Variants in LMX1A observed in about 807,000 individuals in gnomAD.
LMX1A encodes the protein LIM homeobox transcription factor 1 alpha.
A neutral mutation model predicts 49.1 loss-of-function variants in LMX1A; 15 were observed. The ratio of observed to expected loss-of-function variants is 0.31; its 90% CI spans 0.20 to 0.47. The LOEUF (loss-of-function observed/expected upper bound fraction) is 0.47. LMX1A is among the 20% of genes least tolerant of loss of function. The pLI is 1.00. For synonymous variants in LMX1A, 167 were observed against 185.7 expected (o/e 0.90, Z 0.82); for missense variants, 372 against 475.8 (o/e 0.78, Z 2.03).
At chr1:165,314,484 C>T (rs916105680) in intron 3 of LMX1A, among the ~76,000 whole-genome samples, 6 of 152,112 alleles carry the variant, frequency 3.9e-5, no homozygotes, top group African/African-American at 1.4e-4. Context: ...TAGATCAGTC[C>T]CCTTTCTAGC....
At chr1:165,253,566 G>A (rs1653130373) in intron 3 of LMX1A, among the ~76,000 whole-genome samples, 1 of 152,192 alleles carries the variant, frequency 6.6e-6, no homozygotes, top group Non-Finnish European at 1.5e-5. Context: ...CACCTCTCAG[G>A]AAACAGCCTC....
In LMX1A at chr1:165,244,222, A is replaced by G. The variant is rs115039123; in HGVS notation, c.496+5186T>C. 3.3e-5 allele frequency among the ~76,000 whole-genome samples: 5 copies of G among 152,306 alleles called. No homozygotes were observed. In the South Asian group the frequency reaches 6.2e-4, roughly 19 times the overall value. On this transcript the variant is annotated intron_variant, in intron 4 of 8. Transcript: ENST00000342310. Reference sequence around the variant, plus strand: ...CACCCCTTCCCCCATACCTTGCCCTATGAATTTCTTCACCTGTCTGTTCAT... The same window carrying G: ...CACCCCTTCCCCCATACCTTGCCCTGTGAATTTCTTCACCTGTCTGTTCAT...
At chr1:165,239,883 C>T (rs982567247) in intron 4 of LMX1A, among the ~76,000 whole-genome samples, 2 of 152,210 alleles carry the variant, frequency 1.3e-5, no homozygotes, top group Non-Finnish European at 2.9e-5. Flanking sequence ...TTGTCTTATT[C>T]ACAGCACCTG....
intron 3 of LMX1A, among the ~76,000 whole-genome samples, chr1:165,289,693 T>C (rs1654405243): frequency 1.3e-5 from 2 of 152,226 alleles, no homozygotes; most frequent in African/African-American, 4.8e-5. Context: ...CTGAGTCTGG[T>C]TGGAGGATTG....
At chr1:165,315,900 C>G (rs1655205379) in intron 3 of LMX1A, among the ~76,000 whole-genome samples, 1 of 152,186 alleles carries the variant, frequency 6.6e-6, no homozygotes, top group Admixed American at 6.5e-5. Context: ...GATTTTAAAT[C>G]AGGGGTTCTG....
In LMX1A at chr1:165,287,148, CA is replaced by C. The variant is rs549360148; in HGVS notation, c.264-37509del. On this transcript the variant is annotated intron_variant, in intron 3 of 8. Coordinates refer to ENST00000342310, the MANE Select transcript of LMX1A (RefSeq NM_177398.4). ...TAATTATCTGCACTGCCTTCTACCC[CA>C]TTGGCTAGCCAGTTGCCCCAAGTAG... is the stretch of plus-strand genomic sequence containing the variant. Among the ~76,000 whole-genome samples the C allele has an allele frequency of 2.8e-4, 43 of 152,314 alleles. 1 individual carries two copies. In the South Asian group the frequency reaches 8.9e-3, roughly 32 times the overall value.
intron 3 of LMX1A, among the ~76,000 whole-genome samples, chr1:165,341,107 T>G (rs898350653): frequency 6.6e-6 from 1 of 152,208 alleles, no homozygotes; most frequent in African/African-American, 2.4e-5. Flanking sequence ...TATTTCATGC[T>G]TAGAAATCCC....
intron 3 of LMX1A, among the ~76,000 whole-genome samples, chr1:165,262,613 A>G (rs958475779): frequency 6.6e-6 from 1 of 152,194 alleles, no homozygotes; most frequent in Non-Finnish European, 1.5e-5. Context: ...TGAATGTCCT[A>G]CACTCCTATC....
In LMX1A at chr1:165,355,293, C is replaced by T. The variant is rs749852629; in HGVS notation, c.76+191G>A. 5.2e-4 allele frequency among the ~76,000 whole-genome samples: 79 copies of T among 151,984 alleles called. No individual in the cohort carries two copies. The highest frequency in any genetic ancestry group is 9.1e-4 in the Non-Finnish European group (62 of 68,016). On this transcript the variant is annotated intron_variant, in intron 2 of 8. Transcript: ENST00000342310. The surrounding 1 kb of genome is among the most constrained non-coding windows in gnomAD (Gnocchi z 4.7). ...GGTGCCCAGTGCGTGAGGCCTGGGG[C>T]GGCTTGTTGGATTTATTTGGGTAGG...
intron 3 of LMX1A, among the ~76,000 whole-genome samples, chr1:165,306,418 A>T (rs78220556): frequency 0.017 from 2,571 of 152,246 alleles, 44 homozygotes; most frequent in Non-Finnish European, 0.023. Flanking sequence ...TTGATCCAAA[A>T]AGAATGTGGA....
intron 3 of LMX1A, among the ~76,000 whole-genome samples, chr1:165,338,065 A>G (rs1032561972): frequency 4.6e-5 from 7 of 152,200 alleles, no homozygotes; most frequent in Admixed American, 3.3e-4. Context: ...ATACTATCCA[A>G]TCCTAAGAAC....
At chr1:165,267,800 G>A (rs910022975) in intron 3 of LMX1A, among the ~76,000 whole-genome samples, 1 of 152,162 alleles carries the variant, frequency 6.6e-6, no homozygotes, top group African/African-American at 2.4e-5. Flanking sequence ...ACTGAGCACT[G>A]GCAGTGGAAT....
At chr1:165,303,214 C>T (rs1654832146) in intron 3 of LMX1A, among the ~76,000 whole-genome samples, 1 of 152,210 alleles carries the variant, frequency 6.6e-6, no homozygotes, top group African/African-American at 2.4e-5. Flanking sequence ...AAAATTACCA[C>T]ACAAAACAGT....
intron 3 of LMX1A, among the ~76,000 whole-genome samples, chr1:165,333,837 A>C (rs1166354625): frequency 6.6e-6 from 1 of 152,214 alleles, no homozygotes; most frequent in Admixed American, 6.5e-5. Context: ...TCTAAAAAGA[A>C]GCAGTTACAT....
At chr1:165,288,614 A>C (rs1654366713) in intron 3 of LMX1A, among the ~76,000 whole-genome samples, 1 of 152,170 alleles carries the variant, frequency 6.6e-6, no homozygotes, top group South Asian at 2.1e-4. Context: ...ACAGCTGAGG[A>C]CTGTGTTTTC....
intron 3 of LMX1A, among the ~76,000 whole-genome samples, chr1:165,260,912 G>T: frequency 6.6e-6 from 1 of 152,178 alleles, no homozygotes; most frequent in East Asian, 1.9e-4. Context: ...TTAGTTCAAG[G>T]ATCTCAAAGC....
intron 4 of LMX1A, among the ~76,000 whole-genome samples, chr1:165,245,576 C>T (rs957719758): frequency 1.3e-5 from 2 of 151,782 alleles, no homozygotes; most frequent in Admixed American, 1.3e-4. Flanking sequence ...CAATGACCTC[C>T]TCAAATGCAT....
chr1:165,243,369 C>T (rs909393800), intron 4 of LMX1A, among the ~76,000 whole-genome samples: 2 of 152,164 alleles, frequency 1.3e-5, no homozygotes, highest in African/African-American at 2.4e-5. Context: ...CCCCTGCCTC[C>T]GCCCCCAGGT....
At chr1:165,290,594 G>A (rs1654441230) in intron 3 of LMX1A, among the ~76,000 whole-genome samples, 1 of 152,192 alleles carries the variant, frequency 6.6e-6, no homozygotes, top group Non-Finnish European at 1.5e-5. Context: ...TGGACCTGAT[G>A]TCTTTGGGGA....
Sources: allele counts gnomAD v4.1 joint callset (sites outside exome capture counted in the v4.1 genomes callset), GRCh38; gene constraint gnomAD v4.1.1; non-coding constraint Gnocchi (gnomAD v3.1); transcripts MANE v1.5; gene names NCBI Gene and HGNC (gene_info 2026-07-23, HGNC 2026-07-21).